NCOA3: variants seen among roughly 807,000 people sequenced by gnomAD.
NCOA3 encodes CBP-interacting protein.
In NCOA3, 51 loss-of-function variants were observed where a neutral mutation model predicts 158.8. That is an observed-to-expected ratio of 0.32 (90% confidence interval 0.26 to 0.41). The LOEUF is 0.41. NCOA3 is among the 10% of genes least tolerant of loss of function. NCOA3 has a pLI of 1.00. For synonymous variants in NCOA3, 537 were observed against 592.4 expected (o/e 0.91, Z 1.36); for missense variants, 1,510 against 1,746.6 (o/e 0.86, Z 2.41).
At chr20:47,505,800 CTTTTTTTTTT>C (rs11434305) in intron 1 of NCOA3, among the ~76,000 whole-genome samples, 1 of 119,160 alleles carries the variant, frequency 8.4e-6, no homozygotes, top group Non-Finnish European at 1.7e-5. Flanking sequence ...GCATTTTCTC[CTTTTTTTTTT>C]TTTTTTTTTG....
chr20:47,622,415 C>A, intron 3 of NCOA3, 85 bp downstream of exon 3: 1 of 918,566 alleles, frequency 1.1e-6, no homozygotes, highest in Non-Finnish European at 1.6e-6. Flanking sequence ...CATTTACATT[C>A]TCTGGTTAGA....
At chr20:47,648,959 G>T in intron 18 of NCOA3, 46 bp from the exon 19 acceptor site, 1 of 1,238,560 alleles carries the variant, frequency 8.1e-7, no homozygotes, top group South Asian at 1.3e-5. Flanking sequence ...TGTTTTGGCA[G>T]ACTGACGTGC....
intron 2 of NCOA3, among the ~76,000 whole-genome samples, chr20:47,604,714 A>G (rs1293926620): frequency 6.6e-6 from 1 of 152,222 alleles, no homozygotes; most frequent in Non-Finnish European, 1.5e-5. Context: ...CTGGCAATGT[A>G]GGCTTGAGCC....
Position 47,544,287 on chromosome 20 carries a change from T to G in NCOA3, c.-98-38896T>G, listed in dbSNP as rs565707608. On this transcript the variant is annotated intron_variant, in intron 1 of 22. Transcript: ENST00000371998. ...TGTAGGATGGATGTTCATGATAATG[T>G]ATCTTTATTTGTCTTTTATTTAATA... 3.1e-4 allele frequency among the ~76,000 whole-genome samples: 47 copies of G among 151,118 alleles called. No individual in the cohort carries two copies. The South Asian group carries it at 9.4e-3, about 30-fold the overall frequency.
At chr20:47,508,815 A>G (rs2084069000) in intron 1 of NCOA3, among the ~76,000 whole-genome samples, 1 of 152,128 alleles carries the variant, frequency 6.6e-6, no homozygotes, top group Non-Finnish European at 1.5e-5. Flanking sequence ...TTAGCTTGTT[A>G]CTTTGAAAAG....
rs753792930 is a variant in NCOA3, at chr20:47,635,652, G to T, written c.1443G>T (p.Met481Ile). The T allele has an allele frequency of 2.5e-6, 4 of 1,614,180 alleles. No individual in the cohort carries two copies. In the South Asian group the frequency reaches 4.4e-5, roughly 18 times the overall value. The change falls in exon 11 of 23, where the codon ATG becomes ATT. Residue 481 changes from methionine to isoleucine, a missense_variant. Met to Ile is a conservative substitution (Grantham distance 10). This residue lies in a region of NCOA3 where 1,017 missense variants were observed against 1,098.3 expected (regional missense o/e 0.93). Transcript: ENST00000371998. ...TTGCCCCAAACCAGCAGAATATCATGATTTCTCCTCGTAATCGTGGGAGTC... is the reference window on the plus strand; with the variant it reads ...TTGCCCCAAACCAGCAGAATATCATTATTTCTCCTCGTAATCGTGGGAGTC... ...PGLAPNQQNI[M>I]ISPRNRGSPK...
intron 12 of NCOA3, among the ~76,000 whole-genome samples, chr20:47,636,982 A>G (rs2086526062): frequency 6.6e-6 from 1 of 152,208 alleles, no homozygotes; most frequent in African/African-American, 2.4e-5. Context: ...AGTAGCCAAT[A>G]TGAAATTTTT....
At chr20:47,587,440 T>G (rs2146231022) in intron 2 of NCOA3, among the ~76,000 whole-genome samples, 1 of 152,326 alleles carries the variant, frequency 6.6e-6, no homozygotes, top group Non-Finnish European at 1.5e-5. Flanking sequence ...TACACATACA[T>G]GTACATATAC....
intron 2 of NCOA3, among the ~76,000 whole-genome samples, chr20:47,600,635 C>T (rs971587943): frequency 2.6e-5 from 4 of 151,418 alleles, no homozygotes; most frequent in African/African-American, 4.9e-5. Flanking sequence ...CCACCTAAGC[C>T]ACCCAAGTAG....
intron 1 of NCOA3, among the ~76,000 whole-genome samples, chr20:47,535,550 C>G (rs1006075909): frequency 6.6e-6 from 1 of 151,080 alleles, no homozygotes; most frequent in Non-Finnish European, 1.5e-5. Flanking sequence ...ACTCTGTTGC[C>G]AGGCTGGGGT....
rs1342193686 is a variant in NCOA3, at chr20:47,524,382, G to GA, written c.-99+22365dup. The stretch of plus-strand genomic sequence containing the variant: ...AGAAAGTTTGGCGACAGGGTAGCTG[G>GA]AAGAGAGCCTTGAAATTAAAGGACA... On this transcript the variant is annotated intron_variant, in intron 1 of 22. Coordinates refer to ENST00000371998, the MANE Select transcript of NCOA3 (RefSeq NM_181659.3). Among the ~76,000 whole-genome samples the GA allele has an allele frequency of 7.9e-5, 12 of 152,188 alleles. 1 individual carries two copies. The highest frequency in any genetic ancestry group is 3.3e-4 in the Admixed American group (5 of 15,266).
intron 2 of NCOA3, among the ~76,000 whole-genome samples, chr20:47,617,404 C>A (rs148965635): frequency 1.7e-3 from 255 of 152,318 alleles, no homozygotes; most frequent in Non-Finnish European, 2.7e-3. Context: ...CAGGTAGTTA[C>A]TGTTCCATGT....
At chr20:47,522,168 TCTCGGTTCACTGCAAG>T (rs1357964483) in intron 1 of NCOA3, among the ~76,000 whole-genome samples, 1 of 138,766 alleles carries the variant, frequency 7.2e-6, no homozygotes, top group Non-Finnish European at 1.5e-5. Flanking sequence ...AGTGGAGCGA[TCTCGGTTCACTGCAAG>T]CTCCGCCTCA....
Position 47,636,304 on chromosome 20 carries a change from T to G in NCOA3, c.1918T>G (p.Ser640Ala). 6.2e-7 allele frequency: 1 copy of G among 1,613,992 alleles called. No individual in the cohort carries two copies. The highest frequency in any genetic ancestry group is 8.5e-7 in the Non-Finnish European group (1 of 1,180,000). ...DDRGHSSLTN[S>A]PLDSSCKESS... Reference sequence around the variant, plus strand: ...CCGGGGTCATTCCTCCTTGACCAACTCCCCCCTAGATTCAAGTTGTAAAGA... The same window carrying G: ...CCGGGGTCATTCCTCCTTGACCAACGCCCCCCTAGATTCAAGTTGTAAAGA... Residue 640 changes from serine (S) to alanine (A), a missense_variant, in exon 12 of 23, where the codon TCC becomes GCC. This residue lies in a region of NCOA3 where 1,017 missense variants were observed against 1,098.3 expected (regional missense o/e 0.93). Coordinates refer to ENST00000371998, the MANE Select transcript of NCOA3 (RefSeq NM_181659.3).
chr20:47,605,556 G>C (rs1281125641), intron 2 of NCOA3, among the ~76,000 whole-genome samples: 2 of 151,912 alleles, frequency 1.3e-5, no homozygotes, highest in African/African-American at 4.8e-5. Context: ...CCTTTCATGA[G>C]TTTTTTGTTT....
intron 2 of NCOA3, among the ~76,000 whole-genome samples, chr20:47,605,769 G>C (rs547385751): frequency 6.6e-6 from 1 of 152,106 alleles, no homozygotes; most frequent in Non-Finnish European, 1.5e-5. Flanking sequence ...GAGCGTAACT[G>C]TGTCTTTTGA....
rs755173294 is a variant in NCOA3 at position 47,542,009 on chromosome 20, G to GTTTTTTTTTTTTTTTTTTTTTTTTTTT, written c.-99+40011_-99+40012insTTTTTTTTTTTTTTTTTTTTTTTTTTT. Among the ~76,000 whole-genome samples the GTTTTTTTTTTTTTTTTTTTTTTTTTTT allele has an allele frequency of 5.1e-4, 29 of 56,356 alleles. 2 individuals are homozygous for GTTTTTTTTTTTTTTTTTTTTTTTTTTT. The highest frequency in any genetic ancestry group is 5.9e-4 in the African/African-American group (8 of 13,486). 37.0% of individuals were successfully genotyped at this position (56,356 alleles called of 152,430 possible). A position where few individuals can be genotyped will look rare whatever the true frequency, so the allele number is the denominator to read the frequency against. ...ATCAAATTATTTTTTGCCCTGTAGA[G>GTTTTTTTTTTTTTTTTTTTTTTTTTTT]TTTTTTTTTTTTTTTTTTTTTGTTG... On this transcript the variant is annotated intron_variant, in intron 1 of 22. Transcript: ENST00000371998.
rs11474964 is a variant in NCOA3 at position 47,560,833 on chromosome 20, AT to A, written c.-98-22342del. The stretch of plus-strand genomic sequence containing the variant: ...CGATCTGGCTTGCTTTGATTTAAAA[AT>A]TTTTTTTATTTCAATAATTTTGAGT... On this transcript the variant is annotated intron_variant, in intron 1 of 22. Transcript: ENST00000371998. Among the ~76,000 whole-genome samples, 1,094 of 151,872 alleles carry A rather than the reference AT, an allele frequency of 7.2e-3. 20 individuals are homozygous for A. The highest frequency in any genetic ancestry group is 0.025 in the African/African-American group (1,036 of 41,438).
chr20:47,642,648 A>G (rs1338989473), intron 17 of NCOA3, among the ~76,000 whole-genome samples: 1 of 152,328 alleles, frequency 6.6e-6, no homozygotes, highest in African/African-American at 2.4e-5. Flanking sequence ...TGATTTAGTT[A>G]AGCTACTGTA....
Sources: gnomAD v4.1 joint callset for allele counts (sites outside exome capture counted in the v4.1 genomes callset) on GRCh38, gnomAD v4.1.1 for gene constraint, gnomAD v4.1.1 regional missense constraint, MANE v1.5 for transcripts, NCBI Gene and HGNC (gene_info 2026-07-23, HGNC 2026-07-21) for gene names.